Variants in GCNT3 observed in about 807,000 individuals in gnomAD.
GCNT3 encodes the protein beta-1,3-galactosyl-O-glycosyl-glycoprotein beta-1,6-N-acetylglucosaminyltransferase 3.
For missense variants in GCNT3, 708 were observed against 530.3 expected (o/e 1.34, Z -3.29); for synonymous variants, 269 against 195.2 (o/e 1.38, Z -3.15).
intron 1 of GCNT3, among the ~76,000 whole-genome samples, chr15:59,613,513 GAACAGCA>G (rs1487945910): frequency 6.8e-6 from 1 of 147,638 alleles, no homozygotes; most frequent in African/African-American, 2.5e-5. Context: ...CCAGCCAGGG[GAACAGCA>G]AACTCCATCT....
intron 1 of GCNT3, among the ~76,000 whole-genome samples, chr15:59,612,756 C>G (rs79821379): frequency 0.056 from 8,536 of 152,134 alleles, 552 homozygotes; most frequent in East Asian, 0.29. Context: ...TTGCCTCACC[C>G]CCGATCTTCC....
intron 1 of GCNT3, among the ~76,000 whole-genome samples, chr15:59,612,897 G>C (rs2082702750): frequency 6.6e-6 from 1 of 152,046 alleles, no homozygotes; most frequent in Admixed American, 6.6e-5. Flanking sequence ...ACAGAACACA[G>C]AGATGGAGGG....
At position 59,621,708 on chromosome 15, in the gene GCNT3, G is replaced by C. The variant is rs1890936861; in HGVS notation, c.*2153G>C. The C allele has an allele frequency of 7.0e-6, 1 of 143,480 alleles. No individual in the cohort carries two copies. Among genetic ancestry groups the C allele is most frequent in the Non-Finnish European group, 1.5e-5 (1 of 66,880 alleles). 8.9% of individuals were successfully genotyped at this position (143,480 alleles called of 1,614,324 possible). A position where few individuals can be genotyped will look rare whatever the true frequency, so the allele number is the denominator to read the frequency against. Reference sequence around the variant, plus strand: ...CCTCCTGGGTCCAAGCGATTCTCCTGCCTCAGCCTCCTGAGTAACTGGGAT... The same window carrying C: ...CCTCCTGGGTCCAAGCGATTCTCCTCCCTCAGCCTCCTGAGTAACTGGGAT... On this transcript the variant is annotated 3_prime_UTR_variant, in exon 3 of 3. Coordinates refer to ENST00000396065, the MANE Select transcript of GCNT3 (RefSeq NM_004751.3).
rs185448121 is a variant in GCNT3, at chr15:59,619,729, G to A, written c.*174G>A. On this transcript the variant is annotated 3_prime_UTR_variant, in exon 3 of 3. Transcript: ENST00000396065. ...TAGATCTTTTGCCTTGCAAATTGCT[G>A]CCTGGGTGAATGCTGCTTGTTCTCT... 23 of 604,788 alleles carry A rather than the reference G, an allele frequency of 3.8e-5. No individual in the cohort carries two copies. The highest frequency in any genetic ancestry group is 4.1e-4 in the Middle Eastern group (1 of 2,434). 37.5% of individuals were successfully genotyped at this position (604,788 alleles called of 1,614,324 possible).
chr15:59,614,216 G>C (rs927473466), intron 1 of GCNT3, among the ~76,000 whole-genome samples: 2 of 152,146 alleles, frequency 1.3e-5, no homozygotes. Context: ...TCTTGTCCCA[G>C]AGATTTTATA....
In GCNT3 at chr15:59,614,198, A is replaced by G. The variant is rs150812106; in HGVS notation, c.-251+2217A>G. On this transcript the variant is annotated intron_variant, in intron 1 of 2. Coordinates refer to ENST00000396065, the MANE Select transcript of GCNT3 (RefSeq NM_004751.3). ...GAATACTGAAGCAAGTGCTTATCCC[A>G]TAATCATTCTTGTCCCAGAGATTTT... Among the ~76,000 whole-genome samples, 832 of 152,292 alleles carry G rather than the reference A, an allele frequency of 5.5e-3. 7 individuals are homozygous for G. Among genetic ancestry groups the G allele is most frequent in the African/African-American group, 0.019 (784 of 41,550 alleles).
rs561794130 is a variant in GCNT3, at chr15:59,617,765, G to A, written c.-60-414G>A. On this transcript the variant is annotated intron_variant, in intron 2 of 2. Transcript: ENST00000396065. ...TTTTGAAAGGACCTTTAGGTTTCTA[G>A]AACCGATGCCAAGAGTCTGAATTTT... Among the ~76,000 whole-genome samples the A allele has an allele frequency of 1.7e-4, 26 of 152,276 alleles. No homozygotes were observed. In the East Asian group the frequency reaches 2.9e-3, roughly 17 times the overall value.
intron 2 of GCNT3, among the ~76,000 whole-genome samples, 153 bp downstream of exon 2, chr15:59,617,034 A>G (rs2082722426): frequency 6.6e-6 from 1 of 152,140 alleles, no homozygotes; most frequent in Admixed American, 6.5e-5. Flanking sequence ...CTCTCCTTAT[A>G]GGGATTATTT....
At chr15:59,617,512 A>C (rs750298307) in intron 2 of GCNT3, among the ~76,000 whole-genome samples, 8 of 152,186 alleles carry the variant, frequency 5.3e-5, no homozygotes, top group Non-Finnish European at 7.3e-5. Context: ...CACCCACAAA[A>C]GGTACTCATT....
rs1265561228 is a variant in GCNT3 at position 59,618,278 on chromosome 15, T to C, written c.40T>C (p.Trp14Arg). 4.4e-6 allele frequency: 7 copies of C among 1,595,784 alleles called. No homozygotes were observed. The highest frequency in any genetic ancestry group is 6.0e-6 in the Non-Finnish European group (7 of 1,171,136). Residue 14 changes from tryptophan (W) to arginine (R), a missense_variant, in exon 3 of 3, where the codon TGG (tryptophan) becomes CGG (arginine). Trp to Arg is a moderately radical substitution (Grantham distance 101, BLOSUM62 -3). Transcript: ENST00000396065. Reference protein sequence around the residue: ...WKRLCQLHYLWALGCYMLLAT... With the variant: ...WKRLCQLHYLRALGCYMLLAT... ...GAGACTCTGCCAGCTGCATTACTTGTGGGCTCTGGGCTGCTATATGCTGCT... is the reference window on the plus strand; with the variant it reads ...GAGACTCTGCCAGCTGCATTACTTGCGGGCTCTGGGCTGCTATATGCTGCT...
rs182571157 is a variant in GCNT3 at position 59,621,478 on chromosome 15, C to A, written c.*1923C>A. On this transcript the variant is annotated 3_prime_UTR_variant, in exon 3 of 3. Coordinates refer to ENST00000396065, the MANE Select transcript of GCNT3 (RefSeq NM_004751.3). ...TGAATATAGTACAGCTCATCTTCTG[C>A]ATACGATATGCCCTGGAAAGGTGAT... 6.6e-6 allele frequency: 1 copy of A among 151,170 alleles called. No individual in the cohort carries two copies. Among genetic ancestry groups the A allele is most frequent in the East Asian group, 1.9e-4 (1 of 5,152 alleles). The allele number at this position is 151,170 out of a possible 1,614,324, so 9.4% of individuals were successfully genotyped here.
Position 59,618,277 on chromosome 15 carries a change from G to C in GCNT3, c.39G>C (p.Leu13Phe), listed in dbSNP as rs777492287. 6.3e-7 allele frequency: 1 copy of C among 1,596,078 alleles called. No homozygotes were observed. Among genetic ancestry groups the C allele is most frequent in the Non-Finnish European group, 8.5e-7 (1 of 1,171,168 alleles). The change falls in exon 3 of 3, where the codon TTG (leucine) becomes TTC (phenylalanine). Residue 13 changes from leucine (L) to phenylalanine (F), a missense_variant. Coordinates refer to ENST00000396065, the MANE Select transcript of GCNT3 (RefSeq NM_004751.3). ...QWKRLCQLHY[L>F]WALGCYMLLA... ...AGAGACTCTGCCAGCTGCATTACTT[G>C]TGGGCTCTGGGCTGCTATATGCTGC...
chr15:59,618,958 C>T lies in GCNT3; in HGVS notation c.720C>T (p.Val240=). The T allele has an allele frequency of 6.2e-7, 1 of 1,613,954 alleles. No individual in the cohort carries two copies. Among genetic ancestry groups the T allele is most frequent in the Non-Finnish European group, 8.5e-7 (1 of 1,179,926 alleles). The change falls in exon 3 of 3, where the codon GTC becomes GTT. Residue 240 remains valine, a synonymous_variant. Coordinates refer to ENST00000396065, the MANE Select transcript of GCNT3 (RefSeq NM_004751.3). The part of the protein sequence containing the change: ...DFPIKSNAEM[V]QALKMLNGRN... ...CTATAAAGAGCAATGCAGAGATGGTCCAGGCTCTCAAGATGTTGAATGGGA... is the reference window on the plus strand; with the variant it reads ...CTATAAAGAGCAATGCAGAGATGGTTCAGGCTCTCAAGATGTTGAATGGGA...
At chr15:59,613,534 CAATA>C (rs199605633) in intron 1 of GCNT3, among the ~76,000 whole-genome samples, 89,497 of 135,046 alleles carry the variant, frequency 0.66, 30,446 homozygotes, top group Middle Eastern at 0.75. Context: ...TCCATCTCTA[CAATA>C]AATAAATAAA....
intron 2 of GCNT3, among the ~76,000 whole-genome samples, chr15:59,617,170 CTTTCTTTCTT>C (rs1243138594): frequency 1.2e-5 from 1 of 82,350 alleles, no homozygotes; most frequent in Non-Finnish European, 2.5e-5. Flanking sequence ...CTTTTGTTTT[CTTTCTTTCTT>C]TTTTTTTTTT....
In GCNT3 at chr15:59,622,479, A is replaced by G. The variant is rs1205628998; in HGVS notation, c.*2924A>G. 1.3e-5 allele frequency: 2 copies of G among 152,092 alleles called. No homozygotes were observed. Among genetic ancestry groups the G allele is most frequent in the Non-Finnish European group, 2.9e-5 (2 of 68,042 alleles). 9.4% of individuals were successfully genotyped at this position (152,092 alleles called of 1,614,324 possible). ...TTGTATACACAGTGGGTGTGCCCTG[A>G]GAGGTCTGTTGCCAGCAGTGGTGAT... On this transcript the variant is annotated 3_prime_UTR_variant, in exon 3 of 3. Coordinates refer to ENST00000396065, the MANE Select transcript of GCNT3 (RefSeq NM_004751.3).
chr15:59,618,372 G>C lies in GCNT3; in HGVS notation c.134G>C (p.Arg45Thr), dbSNP rs1466944167. The C allele has an allele frequency of 1.2e-6, 2 of 1,614,078 alleles. No homozygotes were observed. The highest frequency in any genetic ancestry group is 1.7e-6 in the Non-Finnish European group (2 of 1,179,932). The change falls in exon 3 of 3, where the codon AGG becomes ACG. Residue 45 changes from arginine to threonine, a missense_variant. Physicochemically the swap from Arg to Thr is moderately conservative, Grantham distance 71. Transcript: ENST00000396065. ...CDSDHLGLES[R>T]ESQSQYCRNI... ...TCTGACCACTTGGGTCTGGAGTCCA[G>C]GGAATCTCAAAGCCAGTACTGTAGG...
At position 59,618,915 on chromosome 15, in the gene GCNT3, C is replaced by T; in HGVS notation, c.677C>T (p.Thr226Ile). The T allele has an allele frequency of 6.2e-7, 1 of 1,614,124 alleles. No individual in the cohort carries two copies. The highest frequency in any genetic ancestry group is 8.5e-7 in the Non-Finnish European group (1 of 1,180,016). ...GTGCCGTGGAAATACTTCCTGAATA[C>T]ATGTGGGACGGACTTTCCTATAAAG... ...SSVPWKYFLNTCGTDFPIKSN... is the reference protein window; with the variant it reads ...SSVPWKYFLNICGTDFPIKSN... The change falls in exon 3 of 3, where the codon ACA (threonine) becomes ATA (isoleucine). Residue 226 changes from threonine to isoleucine, a missense_variant. Transcript: ENST00000396065.
rs1463802639 is a variant in GCNT3 at position 59,618,385 on chromosome 15, C to A, written c.147C>A (p.Ser49Arg). The A allele has an allele frequency of 6.2e-7, 1 of 1,613,972 alleles. No individual in the cohort carries two copies. The highest frequency in any genetic ancestry group is 1.7e-5 in the Admixed American group (1 of 59,992). The change falls in exon 3 of 3, where the codon AGC becomes AGA. Residue 49 changes from serine to arginine, a missense_variant. Physicochemically the swap from Ser to Arg is moderately radical, Grantham distance 110. Transcript: ENST00000396065. The stretch of plus-strand genomic sequence containing the variant: ...GTCTGGAGTCCAGGGAATCTCAAAG[C>A]CAGTACTGTAGGAATATCTTGTATA... ...HLGLESRESQ[S>R]QYCRNILYNF...
Sources: allele counts gnomAD v4.1 joint callset (sites outside exome capture counted in the v4.1 genomes callset), GRCh38; gene constraint gnomAD v4.1.1; transcripts MANE v1.5; gene names NCBI Gene and HGNC (gene_info 2026-07-23, HGNC 2026-07-21).